Variants in CADPS observed in about 807,000 individuals in gnomAD.
The protein encoded by CADPS is calcium dependent secretion activator, also known as calcium-dependent secretion activator 1.
In CADPS, 57 loss-of-function variants were observed where a neutral mutation model predicts 167.3. The observed-to-expected ratio is 0.34, with a 90% CI of 0.28 to 0.42. The LOEUF (loss-of-function observed/expected upper bound fraction) is 0.42, where lower values mean the gene tolerates loss of function less well. Among genes scored for constraint, CADPS ranks in the 20% least tolerant of loss-of-function variants. The pLI is 1.00. For synonymous variants in CADPS, 676 were observed against 635.3 expected (o/e 1.06, Z -0.96); for missense variants, 1,414 against 1,738.1 (o/e 0.81, Z 3.32).
intron 8 of CADPS, among the ~76,000 whole-genome samples, chr3:62,581,389 G>T (rs1003482356): frequency 2.1e-5 from 3 of 144,844 alleles, no homozygotes; most frequent in African/African-American, 7.8e-5. Context: ...AATTTTAACT[G>T]AAATTGTCTG....
chr3:62,806,361 TA>T (rs11328861), intron 1 of CADPS, among the ~76,000 whole-genome samples: 101,689 of 137,934 alleles, frequency 0.74, 37,752 homozygotes, highest in East Asian at 0.91. Context: ...CGTCTTTAGT[TA>T]AAAAAAAAAA....
rs753731554 is a variant in CADPS at position 62,433,210 on chromosome 3, C to T, written c.3777+4894G>A. Among the ~76,000 whole-genome samples, 6 of 152,022 alleles carry T rather than the reference C, an allele frequency of 3.9e-5. No homozygotes were observed. Among genetic ancestry groups the T allele is most frequent in the Non-Finnish European group, 7.4e-5 (5 of 68,010 alleles). Reference sequence around the variant, plus strand: ...TCTGTGGTTTCATATATAAATATAGCAAATATATTTTAACAGGCAAAGGTT... The same window carrying T: ...TCTGTGGTTTCATATATAAATATAGTAAATATATTTTAACAGGCAAAGGTT... On this transcript the variant is annotated intron_variant, in intron 28 of 29. Transcript: ENST00000383710. This position sits in a 1 kb window ranked among gnomAD's most constrained non-coding sequence, Gnocchi z 4.7.
intron 15 of CADPS, 113 bp from the exon 16 acceptor site, chr3:62,516,295 TGAGAGCCA>T: frequency 7.5e-7 from 1 of 1,338,440 alleles, no homozygotes; most frequent in Non-Finnish European, 1.0e-6. Flanking sequence ...TTAATAAGAT[TGAGAGCCA>T]TGCTTAAAGA....
intron 1 of CADPS, among the ~76,000 whole-genome samples, chr3:62,844,074 A>G (rs187919430): frequency 5.1e-4 from 77 of 152,278 alleles, no homozygotes; most frequent in Middle Eastern, 3.4e-3. Context: ...AGGAGTGATT[A>G]TTATTGTTAT....
chr3:62,693,391 T>C (rs2079580971), intron 3 of CADPS, among the ~76,000 whole-genome samples: 1 of 152,134 alleles, frequency 6.6e-6, no homozygotes, highest in Non-Finnish European at 1.5e-5. Flanking sequence ...ATCAATTGTG[T>C]ATACAGAACC....
intron 3 of CADPS, among the ~76,000 whole-genome samples, chr3:62,751,214 C>A (rs2082626219): frequency 1.3e-5 from 2 of 152,038 alleles, no homozygotes; most frequent in South Asian, 4.1e-4. Context: ...TTTTAAAATA[C>A]TTTTGTTTGC....
In CADPS at chr3:62,478,138, A is replaced by C. The variant is rs2061550595; in HGVS notation, c.3329+123T>G. ...AGCCACTACTCCAGCTGACTTTGAC[A>C]AGCAATCCCCTTCTCCAATTAGTTT... On this transcript the variant is annotated intron_variant, in intron 23 of 29. Coordinates refer to ENST00000383710, the MANE Select transcript of CADPS (RefSeq NM_003716.4). This position sits in a 1 kb window ranked among gnomAD's most constrained non-coding sequence, Gnocchi z 5.7. 2 of 1,099,354 alleles carry C rather than the reference A, an allele frequency of 1.8e-6. No individual in the cohort carries two copies. Among genetic ancestry groups the C allele is most frequent in the African/African-American group, 3.1e-5 (2 of 64,640 alleles). The allele number at this position is 1,099,354 out of a possible 1,614,324, so 68.1% of individuals were successfully genotyped here. A position where few individuals can be genotyped will look rare whatever the true frequency, so the allele number is the denominator to read the frequency against.
At chr3:62,749,503 A>G (rs1432992881) in intron 3 of CADPS, among the ~76,000 whole-genome samples, 1 of 152,210 alleles carries the variant, frequency 6.6e-6, no homozygotes, top group African/African-American at 2.4e-5. Context: ...TTTGGTAAGG[A>G]GAAGAAGGTC....
rs2063887568 is a variant in CADPS, at chr3:62,492,345, G to T, written c.2829C>A (p.Asp943Glu). The T allele has an allele frequency of 2.5e-6, 4 of 1,613,936 alleles. No homozygotes were observed. In the African/African-American group the frequency reaches 4.0e-5, roughly 16 times the overall value. ...GAAATAGTGGAAAACTGTCCCATGT[G>T]TCTGGAGGTTGCACCTCTAAGGCTG... ...MDAALEVQPP[D>E]TWDSFPLFQL... The change falls in exon 20 of 30, where the codon GAC (aspartate) becomes GAA (glutamate). Residue 943 changes from aspartate (D) to glutamate (E), a missense_variant. Asp to Glu is a conservative substitution (Grantham distance 45, BLOSUM62 2). Transcript: ENST00000383710.
chr3:62,804,827 A>G (rs2152828082), intron 1 of CADPS, among the ~76,000 whole-genome samples: 1 of 152,302 alleles, frequency 6.6e-6, no homozygotes, highest in African/African-American at 2.4e-5. Flanking sequence ...AGACAAAATC[A>G]CATAGTGTTG....
chr3:62,438,454 G>T lies in CADPS; in HGVS notation c.3670-243C>A, dbSNP rs2149776666. On this transcript the variant is annotated intron_variant, in intron 27 of 29. Transcript: ENST00000383710. This position sits in a 1 kb window ranked among gnomAD's most constrained non-coding sequence, Gnocchi z 4.7. ...TTGAGATTGTAGGATTTTATAAATA[G>T]TTTTTCTATGATAAATTTTTTCCTG... 4.7e-6 allele frequency: 2 copies of T among 427,408 alleles called. No homozygotes were observed. The highest frequency in any genetic ancestry group is 8.5e-6 in the Non-Finnish European group (2 of 235,962). The allele number at this position is 427,408 out of a possible 1,614,324, so 26.5% of individuals were successfully genotyped here.
intron 1 of CADPS, among the ~76,000 whole-genome samples, chr3:62,852,683 T>C (rs976286256): frequency 2.6e-5 from 4 of 152,180 alleles, no homozygotes; most frequent in African/African-American, 9.7e-5. Flanking sequence ...CATGACTTTG[T>C]TGAAGATGAT....
chr3:62,635,978 A>G (rs1399277429), intron 6 of CADPS, among the ~76,000 whole-genome samples: 1 of 152,224 alleles, frequency 6.6e-6, no homozygotes, highest in Non-Finnish European at 1.5e-5. Flanking sequence ...AAAGGAAACT[A>G]AAAAAGGCAT....
At chr3:62,652,256 C>T (rs2070347395) in intron 4 of CADPS, among the ~76,000 whole-genome samples, 1 of 151,852 alleles carries the variant, frequency 6.6e-6, no homozygotes. Flanking sequence ...TCCAATTGGC[C>T]ATATTACTGG....
chr3:62,606,127 C>T (rs2060660719), intron 6 of CADPS, among the ~76,000 whole-genome samples: 1 of 152,188 alleles, frequency 6.6e-6, no homozygotes, highest in East Asian at 1.9e-4. Flanking sequence ...GATTCACACT[C>T]TCCTGCCCTC....
intron 6 of CADPS, among the ~76,000 whole-genome samples, chr3:62,599,651 T>TAC (rs2059448353): frequency 3.2e-5 from 2 of 63,030 alleles, no homozygotes; most frequent in South Asian, 3.8e-4. Context: ...ATATATAATA[T>TAC]ATAATATAAT....
At chr3:62,503,380 A>T (rs1435737649) in intron 17 of CADPS, among the ~76,000 whole-genome samples, 2 of 152,174 alleles carry the variant, frequency 1.3e-5, no homozygotes, top group African/African-American at 4.8e-5. Context: ...TGTATATGTT[A>T]CAGGGCTGCT....
At chr3:62,513,506 C>G in intron 16 of CADPS, 1 of 613,950 alleles carries the variant, frequency 1.6e-6, no homozygotes, top group South Asian at 2.0e-5. Context: ...GTTTCACAGA[C>G]AGAACCAACA....
chr3:62,434,263 T>A (rs1439272999), intron 28 of CADPS, among the ~76,000 whole-genome samples: 1 of 152,196 alleles, frequency 6.6e-6, no homozygotes, highest in Non-Finnish European at 1.5e-5. Context: ...TCATTTTTTA[T>A]GAAAAAATAT....
Sources: gnomAD v4.1 joint callset for allele counts (sites outside exome capture counted in the v4.1 genomes callset) on GRCh38, gnomAD v4.1.1 for gene constraint, Gnocchi (gnomAD v3.1) non-coding constraint, MANE v1.5 for transcripts, NCBI Gene and HGNC (gene_info 2026-07-23, HGNC 2026-07-21) for gene names.